Variants in LOC122539214 observed in about 807,000 individuals in gnomAD.
chr19:52,667,063 G>T, the LOC122539214 span, among the ~76,000 whole-genome samples: 1 of 152,152 alleles, frequency 6.6e-6, no homozygotes, highest in Non-Finnish European at 1.5e-5. Context: ...TAATAGCAAA[G>T]AATTGAAATC....
the LOC122539214 span, among the ~76,000 whole-genome samples, chr19:52,678,449 C>CAA: frequency 0.074 from 8,125 of 109,270 alleles, 367 homozygotes; most frequent in Middle Eastern, 0.14. Context: ...GACTTCATCT[C>CAA]AAAAAAAAAA....
At chr19:52,651,669 GA>G in the LOC122539214 span, 1 of 111,174 alleles carries the variant, frequency 9.0e-6, no homozygotes, top group Non-Finnish European at 1.7e-5. Context: ...GGCGACAAGA[GA>G]AAGACTCTGT....
the LOC122539214 span, among the ~76,000 whole-genome samples, chr19:52,681,365 C>T: frequency 6.6e-6 from 1 of 150,594 alleles, no homozygotes; most frequent in African/African-American, 2.4e-5. Context: ...TATTCATTAC[C>T]TAGATGAGCT....
the LOC122539214 span, among the ~76,000 whole-genome samples, chr19:52,669,826 T>C: frequency 2.0e-5 from 3 of 152,150 alleles, no homozygotes; most frequent in Admixed American, 6.5e-5. Flanking sequence ...CTCATAAAAA[T>C]GGCAGTTACT....
At chr19:52,661,806 T>C in the LOC122539214 span, among the ~76,000 whole-genome samples, 1 of 152,110 alleles carries the variant, frequency 6.6e-6, no homozygotes, top group African/African-American at 2.4e-5. Context: ...GGGGCTGCAA[T>C]GTCAAATGGG....
At chr19:52,673,095 G>C in the LOC122539214 span, among the ~76,000 whole-genome samples, 2 of 152,140 alleles carry the variant, frequency 1.3e-5, no homozygotes, top group African/African-American at 4.8e-5. Flanking sequence ...TGTAATCCCA[G>C]CTACTCAGGA....
the LOC122539214 span, among the ~76,000 whole-genome samples, chr19:52,678,636 C>T: frequency 7.9e-5 from 12 of 151,834 alleles, no homozygotes; most frequent in African/African-American, 2.9e-4. Context: ...ATGCCAGGCC[C>T]TCATATCCTC....
At chr19:52,673,092 C>T in the LOC122539214 span, among the ~76,000 whole-genome samples, 27 of 152,170 alleles carry the variant, frequency 1.8e-4, no homozygotes, top group Admixed American at 1.1e-3. Context: ...GCCTGTAATC[C>T]CAGCTACTCA....
chr19:52,660,763 T>C, the LOC122539214 span: 34 of 212,314 alleles, frequency 1.6e-4, no homozygotes, highest in Non-Finnish European at 3.0e-4. Context: ...TCACTTTACC[T>C]GAGGAAGAGC....
At chr19:52,686,483 A>AT in the LOC122539214 span, among the ~76,000 whole-genome samples, 1 of 123,280 alleles carries the variant, frequency 8.1e-6, no homozygotes, top group Non-Finnish European at 1.7e-5. Context: ...TATATATATA[A>AT]ATAAATGAGA....
At chr19:52,658,561 C>G in the LOC122539214 span, among the ~76,000 whole-genome samples, 3 of 152,106 alleles carry the variant, frequency 2.0e-5, no homozygotes, top group African/African-American at 7.2e-5. Context: ...TTGGGATTTA[C>G]TCAAGATAGG....
the LOC122539214 span, among the ~76,000 whole-genome samples, chr19:52,677,323 A>C: frequency 9.4e-5 from 14 of 148,210 alleles, no homozygotes; most frequent in East Asian, 8.4e-4. Context: ...AAAAAAAAAA[A>C]AAAAAAACAA....
the LOC122539214 span, among the ~76,000 whole-genome samples, chr19:52,659,364 G>C: frequency 1.3e-5 from 2 of 152,126 alleles, no homozygotes; most frequent in Non-Finnish European, 2.9e-5. Context: ...ACCTTCTGGG[G>C]GAAGTTGAGT....
At chr19:52,678,874 C>T in the LOC122539214 span, among the ~76,000 whole-genome samples, 1 of 151,606 alleles carries the variant, frequency 6.6e-6, no homozygotes, top group African/African-American at 2.4e-5. Flanking sequence ...ACTCAGGAGG[C>T]TGAGGCAGGA....
At chr19:52,673,137 G>A in the LOC122539214 span, among the ~76,000 whole-genome samples, 78 of 152,180 alleles carry the variant, frequency 5.1e-4, no homozygotes, top group African/African-American at 1.8e-3. Flanking sequence ...TAAACCCAGG[G>A]AGCAGAGGTT....
At chr19:52,653,891 C>T in the LOC122539214 span, among the ~76,000 whole-genome samples, 1 of 152,200 alleles carries the variant, frequency 6.6e-6, no homozygotes, top group Non-Finnish European at 1.5e-5. Flanking sequence ...TTGCCACACT[C>T]ATTACATTGG....
the LOC122539214 span, among the ~76,000 whole-genome samples, chr19:52,682,603 G>A: frequency 7.2e-5 from 11 of 152,000 alleles, no homozygotes; most frequent in African/African-American, 2.7e-4. Flanking sequence ...AGGAGTCAGA[G>A]GTTGCACTGA....
At chr19:52,669,277 A>G in the LOC122539214 span, among the ~76,000 whole-genome samples, 1 of 152,218 alleles carries the variant, frequency 6.6e-6, no homozygotes, top group Non-Finnish European at 1.5e-5. Flanking sequence ...ACGTCTATTT[A>G]GACACAATTA....
chr19:52,678,139 TA>T, the LOC122539214 span, among the ~76,000 whole-genome samples: 1 of 151,822 alleles, frequency 6.6e-6, no homozygotes, highest in African/African-American at 2.4e-5. Context: ...ATGCGCTAAC[TA>T]AAATGGTTGC....
Sources: allele counts gnomAD v4.1 joint callset (sites outside exome capture counted in the v4.1 genomes callset), GRCh38; gene constraint gnomAD v4.1.1; transcripts MANE v1.5.